Variants in RBFOX1 observed in about 807,000 individuals in gnomAD.
RBFOX1 encodes the protein RNA binding protein fox-1 homolog 1.
RBFOX1 carries 8 observed loss-of-function variants against 57.7 expected under a neutral mutation model. The ratio of observed to expected loss-of-function variants is 0.14; its 90% confidence interval spans 0.08 to 0.25. RBFOX1 has a LOEUF of 0.25. RBFOX1 is among the 10% of genes least tolerant of loss of function. The pLI, the probability that RBFOX1 is intolerant of heterozygous loss-of-function variation, is 1.00. For synonymous variants in RBFOX1, 326 were observed against 222.4 expected, an observed-to-expected ratio of 1.47 and a Z score of -4.15; for missense variants, 611 against 548.5, an observed-to-expected ratio of 1.11 and a Z score of -1.14.
At chr16:7,023,747 A>G (rs779842247) in intron 3 of RBFOX1, among the ~76,000 whole-genome samples, 1 of 151,950 alleles carries the variant, frequency 6.6e-6, no homozygotes, top group Non-Finnish European at 1.5e-5. Context: ...TCACTTATCA[A>G]TCCCTGTGTT....
chr16:5,888,447 C>T (rs11645029), intron 4 of RBFOX1, among the ~76,000 whole-genome samples: 1 of 151,858 alleles, frequency 6.6e-6, no homozygotes, highest in Non-Finnish European at 1.5e-5. Context: ...GTCACAGTGT[C>T]CTGCTGTGTT....
At chr16:5,664,205 T>C (rs2049756160) in intron 3 of RBFOX1, among the ~76,000 whole-genome samples, 1 of 152,184 alleles carries the variant, frequency 6.6e-6, no homozygotes, top group Non-Finnish European at 1.5e-5. Context: ...TCTCTTGACT[T>C]GGGGGTTCTC....
chr16:6,075,206 T>C (rs527412507), intron 1 of RBFOX1, among the ~76,000 whole-genome samples: 6 of 152,340 alleles, frequency 3.9e-5, no homozygotes, highest in Admixed American at 3.9e-4. Context: ...ACCAAAAGGT[T>C]GAAGTTAAAA....
At chr16:7,012,925 C>T (rs543143990) in intron 3 of RBFOX1, among the ~76,000 whole-genome samples, 5 of 151,998 alleles carry the variant, frequency 3.3e-5, no homozygotes, top group Non-Finnish European at 7.4e-5. Flanking sequence ...ATGGTCAGGT[C>T]CTGGTGGAGG....
intron 3 of RBFOX1, among the ~76,000 whole-genome samples, chr16:6,953,496 C>T (rs905290806): frequency 3.3e-5 from 5 of 152,100 alleles, no homozygotes; most frequent in Non-Finnish European, 7.4e-5. Flanking sequence ...AGCGATTCTT[C>T]TGCTTCAGCC....
At chr16:6,003,927 G>A (rs957035399) in intron 4 of RBFOX1, among the ~76,000 whole-genome samples, 1 of 152,214 alleles carries the variant, frequency 6.6e-6, no homozygotes, top group African/African-American at 2.4e-5. Context: ...TTTCTATGAA[G>A]TCTCCTGACT....
At chr16:5,972,009 C>T (rs1314217443) in intron 4 of RBFOX1, among the ~76,000 whole-genome samples, 1 of 152,200 alleles carries the variant, frequency 6.6e-6, no homozygotes, top group Non-Finnish European at 1.5e-5. Flanking sequence ...GGGACGTGTG[C>T]TTCTTCCTGC....
intron 3 of RBFOX1, among the ~76,000 whole-genome samples, chr16:6,700,137 C>T (rs2061605792): frequency 6.6e-6 from 1 of 151,992 alleles, no homozygotes; most frequent in South Asian, 2.1e-4. Context: ...GAGGCATTCC[C>T]CTAAGGTGAT....
At chr16:5,998,448 T>G (rs1305039215) in intron 4 of RBFOX1, among the ~76,000 whole-genome samples, 1 of 152,256 alleles carries the variant, frequency 6.6e-6, no homozygotes, top group Non-Finnish European at 1.5e-5. Context: ...GCAAGCGAAC[T>G]TCTATCTTGA....
chr16:6,735,640 T>C (rs2070012447), intron 3 of RBFOX1, among the ~76,000 whole-genome samples: 1 of 152,192 alleles, frequency 6.6e-6, no homozygotes, highest in Non-Finnish European at 1.5e-5. Context: ...ATTGGATCGA[T>C]CACAAAATGT....
intron 4 of RBFOX1, among the ~76,000 whole-genome samples, chr16:7,423,678 G>A (rs899980076): frequency 6.6e-6 from 1 of 152,150 alleles, no homozygotes; most frequent in African/African-American, 2.4e-5. Context: ...GACCTTCTGG[G>A]TTCTGATTCG....
Position 6,514,144 on chromosome 16 carries a change from C to T in RBFOX1, c.-63-140459C>T, listed in dbSNP as rs527322916. Among the ~76,000 whole-genome samples the T allele has an allele frequency of 4.6e-5, 7 of 152,272 alleles. No homozygotes were observed. The South Asian group carries it at 6.2e-4, about 14-fold the overall frequency. ...AGTAATCAGCCCTAGGTGTCACGTT[C>T]CATCCAGTGCTCTTTCTGCTTTTGA... On this transcript the variant is annotated intron_variant, in intron 2 of 15. Coordinates refer to ENST00000550418, the MANE Select transcript of RBFOX1 (RefSeq NM_018723.4).
chr16:6,311,922 C>G (rs1435007187), intron 1 of RBFOX1, among the ~76,000 whole-genome samples: 1 of 152,170 alleles, frequency 6.6e-6, no homozygotes, highest in African/African-American at 2.4e-5. Context: ...CAACCCTGGG[C>G]AGCTTGCTGA....
intron 2 of RBFOX1, among the ~76,000 whole-genome samples, chr16:5,477,952 C>G (rs1300256354): frequency 6.6e-6 from 1 of 152,160 alleles, no homozygotes; most frequent in Non-Finnish European, 1.5e-5. Context: ...CTCCTTGGTT[C>G]TCATTACGCA....
chr16:6,619,308 C>G (rs750663895), intron 2 of RBFOX1, among the ~76,000 whole-genome samples: 5 of 152,132 alleles, frequency 3.3e-5, no homozygotes, highest in Non-Finnish European at 5.9e-5. Flanking sequence ...TTATAACTCT[C>G]GTTTGCATAT....
intron 3 of RBFOX1, among the ~76,000 whole-genome samples, chr16:6,790,999 A>T (rs1444487425): frequency 6.6e-6 from 1 of 151,704 alleles, no homozygotes; most frequent in Non-Finnish European, 1.5e-5. Flanking sequence ...TCTGGCTCTC[A>T]GGTTCAGGTA....
At chr16:5,298,884 T>G (rs12709135) in intron 1 of RBFOX1, among the ~76,000 whole-genome samples, 56,171 of 76,004 alleles carry the variant, frequency 0.74, 21,256 homozygotes, top group East Asian at 0.82. Flanking sequence ...ATATTTTGCA[T>G]AGGGCAGACG....
At chr16:6,805,273 C>T (rs1003507367) in intron 3 of RBFOX1, among the ~76,000 whole-genome samples, 1 of 152,106 alleles carries the variant, frequency 6.6e-6, no homozygotes, top group Non-Finnish European at 1.5e-5. Flanking sequence ...TTTTCCTTAG[C>T]AAACTATGAC....
chr16:7,245,192 T>C (rs971221824), intron 4 of RBFOX1, among the ~76,000 whole-genome samples: 1 of 152,230 alleles, frequency 6.6e-6, no homozygotes, highest in Non-Finnish European at 1.5e-5. Context: ...CTAACTAAAA[T>C]AATAAATATC....
Sources: gnomAD v4.1 joint callset for allele counts (sites outside exome capture counted in the v4.1 genomes callset) on GRCh38, gnomAD v4.1.1 for gene constraint, MANE v1.5 for transcripts, NCBI Gene and HGNC (gene_info 2026-07-23, HGNC 2026-07-21) for gene names.